The following NT5DC1 variants were observed in gnomAD, a reference collection of about 807,000 sequenced individuals.
NT5DC1 encodes the protein 5'-nucleotidase domain containing 1.
In NT5DC1, 42 loss-of-function variants were observed where a neutral mutation model predicts 59.4. That is an observed-to-expected ratio of 0.71 (90% CI 0.55 to 0.92). The LOEUF (loss-of-function observed/expected upper bound fraction) is 0.92. Ranked by LOEUF, NT5DC1 falls within the 40% of genes least tolerant of loss-of-function variation. NT5DC1 has a pLI of 0.00. For synonymous variants in NT5DC1, 172 were observed against 188.1 expected (o/e 0.91, Z 0.70); for missense variants, 501 against 537.1 (o/e 0.93, Z 0.66).
At chr6:116,146,675 T>G (rs913463968) in intron 6 of NT5DC1, among the ~76,000 whole-genome samples, 2 of 152,200 alleles carry the variant, frequency 1.3e-5, no homozygotes, top group African/African-American at 2.4e-5. Context: ...TTCTTAAACT[T>G]AAGTATGCTA....
At chr6:116,112,144 C>T (rs1032379524) in intron 4 of NT5DC1, among the ~76,000 whole-genome samples, 2 of 152,228 alleles carry the variant, frequency 1.3e-5, no homozygotes, top group African/African-American at 4.8e-5. Flanking sequence ...GTAGCTTCAT[C>T]TGGCACTTAC....
intron 1 of NT5DC1, among the ~76,000 whole-genome samples, chr6:116,105,845 T>C (rs887729262): frequency 2.6e-5 from 4 of 152,152 alleles, no homozygotes; most frequent in African/African-American, 9.7e-5. Context: ...TGTATTTCCC[T>C]GACATGGGGC....
chr6:116,108,316 G>A lies in NT5DC1; in HGVS notation c.186-48G>A, dbSNP rs201319787. ...GAAAATATAGGTTGTTATTTCTTAG[G>A]TTAGCTAAATATAGGAATTGATTAA... On this transcript the variant is annotated intron_variant, in intron 2 of 11. Transcript: ENST00000319550. 4 of 1,166,976 alleles carry A rather than the reference G, an allele frequency of 3.4e-6. No individual in the cohort carries two copies. The East Asian group carries it at 7.0e-5, about 20-fold the overall frequency. 72.3% of individuals were successfully genotyped at this position (1,166,976 alleles called of 1,614,324 possible). A position where few individuals can be genotyped will look rare whatever the true frequency, so the allele number is the denominator to read the frequency against.
chr6:116,211,179 G>T (rs1431879235), intron 6 of NT5DC1, among the ~76,000 whole-genome samples: 2 of 152,014 alleles, frequency 1.3e-5, no homozygotes, highest in African/African-American at 4.8e-5. Context: ...GTGGAGAGAT[G>T]TTTGTTTCAC....
chr6:116,179,474 A>G (rs1780826189), intron 6 of NT5DC1, among the ~76,000 whole-genome samples: 2 of 152,170 alleles, frequency 1.3e-5, no homozygotes, highest in South Asian at 4.1e-4. Context: ...AAGTAGGCTA[A>G]GAACCCGAAT....
At chr6:116,239,255 T>G (rs549174275) in intron 11 of NT5DC1, 132 bp downstream of exon 11, 3 of 700,094 alleles carry the variant, frequency 4.3e-6, no homozygotes, top group Non-Finnish European at 7.0e-6. Flanking sequence ...CTTCTAGATA[T>G]GGAACCTAGG....
In NT5DC1 at chr6:116,221,227, G is replaced by T; in HGVS notation, c.703G>T (p.Gly235Trp). 6.4e-7 allele frequency: 1 copy of T among 1,561,736 alleles called. No homozygotes were observed. The highest frequency in any genetic ancestry group is 8.8e-7 in the Non-Finnish European group (1 of 1,135,496). ...YCRLLCEYIL[G>W]NDFTDLFDIV... ...TAGACTTCTCTGCGAATATATTCTT[G>T]GGTGAGTGATGAGTCATTCAGTTTT... The change falls in exon 7 of 12, where the codon GGG becomes TGG. Residue 235 changes from glycine to tryptophan, a missense_variant and splice_region_variant. Physicochemically the swap from Gly to Trp is radical, Grantham distance 184. Transcript: ENST00000319550.
chr6:116,140,172 A>C (rs1247361972), intron 6 of NT5DC1, among the ~76,000 whole-genome samples: 1 of 152,160 alleles, frequency 6.6e-6, no homozygotes, highest in Non-Finnish European at 1.5e-5. Flanking sequence ...CCACCAGTGC[A>C]TGCTCTCAGG....
rs1562124023 is a variant in NT5DC1 at position 116,121,253 on chromosome 6, C to G, written c.529+3308C>G. 5 of 1,613,896 alleles carry G rather than the reference C, an allele frequency of 3.1e-6. No homozygotes were observed. Among genetic ancestry groups the G allele is most frequent in the South Asian group, 1.1e-5 (1 of 91,052 alleles). On this transcript the variant is annotated intron_variant, in intron 6 of 11. Coordinates refer to ENST00000319550, the MANE Select transcript of NT5DC1 (RefSeq NM_152729.3). ...AGGAGGCCCTGGGGGCCCAGCTATT[C>G]CTGGAGCCCCAGGGAGACCTTTTGT... is the stretch of plus-strand genomic sequence containing the variant.
In NT5DC1 at chr6:116,106,274, GTTAA is replaced by G; in HGVS notation, c.125_128del (p.Val42GlyfsTer12). 6.3e-7 allele frequency: 1 copy of G among 1,585,682 alleles called. No individual in the cohort carries two copies. The highest frequency in any genetic ancestry group is 8.6e-7 in the Non-Finnish European group (1 of 1,156,070). ...TTATAATAGCTTTGCCCAGTTCCTAGTTAAGGAGAAAGGGTACGATAAGGAATTG... is the reference window on the plus strand; with the variant it reads ...TTATAATAGCTTTGCCCAGTTCCTAGGGAGAAAGGGTACGATAAGGAATTG... On this transcript the variant is annotated frameshift_variant, in exon 2 of 12. Transcript: ENST00000319550. LOFTEE classifies it high-confidence loss of function.
chr6:116,129,665 C>T (rs1230399556), intron 6 of NT5DC1, among the ~76,000 whole-genome samples: 2 of 152,122 alleles, frequency 1.3e-5, no homozygotes, highest in Non-Finnish European at 2.9e-5. Flanking sequence ...AACTGTGTGC[C>T]GAATAAAGCT....
intron 6 of NT5DC1, chr6:116,118,893 A>T (rs926933919): frequency 6.6e-6 from 1 of 152,216 alleles, no homozygotes; most frequent in Non-Finnish European, 1.5e-5. Flanking sequence ...ATATAGGGAC[A>T]TATCCATGAC....
At chr6:116,219,338 T>TC (rs1781747200) in intron 6 of NT5DC1, among the ~76,000 whole-genome samples, 1 of 152,102 alleles carries the variant, frequency 6.6e-6, no homozygotes, top group Non-Finnish European at 1.5e-5. Flanking sequence ...GAGGGGATAT[T>TC]CCCCCCTTTA....
In NT5DC1 at chr6:116,249,496, G is replaced by A. The variant is rs1246683939; in HGVS notation, c.*5472G>A. ...ACCGGTAATTAAAGTTGTGATACCT[G>A]ATATCATTTGTCTCTAGACATTTTA... On this transcript the variant is annotated 3_prime_UTR_variant, in exon 12 of 12. Transcript: ENST00000319550. The A allele has an allele frequency of 6.6e-6, 1 of 151,084 alleles. No individual in the cohort carries two copies. Among genetic ancestry groups the A allele is most frequent in the African/African-American group, 2.5e-5 (1 of 40,436 alleles). 9.4% of individuals were successfully genotyped at this position (151,084 alleles called of 1,614,324 possible). A position where few individuals can be genotyped will look rare whatever the true frequency, so the allele number is the denominator to read the frequency against.
At chr6:116,117,112 G>A (rs937776447) in intron 5 of NT5DC1, among the ~76,000 whole-genome samples, 16 of 152,142 alleles carry the variant, frequency 1.1e-4, no homozygotes, top group African/African-American at 3.9e-4. Context: ...TAGCTTTTGG[G>A]GTTTTAGGGC....
chr6:116,191,409 G>A (rs1167668623), intron 6 of NT5DC1, among the ~76,000 whole-genome samples: 1 of 151,936 alleles, frequency 6.6e-6, no homozygotes, highest in Admixed American at 6.6e-5. Context: ...GGGAAGGAGA[G>A]GAGATTCACG....
At chr6:116,118,236 T>G (rs1166295160) in intron 6 of NT5DC1, 4 of 405,482 alleles carry the variant, frequency 9.9e-6, no homozygotes, top group Non-Finnish European at 1.8e-5. Flanking sequence ...TTTTGCTTTT[T>G]CATGGCCTGG....
intron 6 of NT5DC1, among the ~76,000 whole-genome samples, chr6:116,166,214 G>T (rs962143634): frequency 2.0e-5 from 3 of 152,126 alleles, no homozygotes; most frequent in Non-Finnish European, 4.4e-5. Context: ...ACATCAACCA[G>T]TGGGGTCTCC....
At chr6:116,167,686 A>G (rs1380871913) in intron 6 of NT5DC1, among the ~76,000 whole-genome samples, 1 of 152,132 alleles carries the variant, frequency 6.6e-6, no homozygotes, top group Non-Finnish European at 1.5e-5. Flanking sequence ...TTCATAGGCA[A>G]TGTTTCGGCT....
Sources: gnomAD v4.1 joint callset for allele counts (sites outside exome capture counted in the v4.1 genomes callset) on GRCh38, gnomAD v4.1.1 for gene constraint, MANE v1.5 for transcripts, NCBI Gene and HGNC (gene_info 2026-07-23, HGNC 2026-07-21) for gene names.